The following SLC2A13 variants were observed in gnomAD, a reference collection of about 807,000 sequenced individuals.
The protein encoded by SLC2A13 is proton myo-inositol cotransporter.
In SLC2A13, 32 loss-of-function variants were observed where a neutral mutation model predicts 64.4. The ratio of observed to expected loss-of-function variants is 0.50; its 90% confidence interval spans 0.37 to 0.67. The LOEUF is 0.67. Ranked by LOEUF, SLC2A13 falls within the 30% of genes least tolerant of loss-of-function variation. The pLI is 0.00. For missense variants in SLC2A13, 743 were observed against 829.2 expected (o/e 0.90, Z 1.28); for synonymous variants, 338 against 327.1 (o/e 1.03, Z -0.36).
At chr12:40,060,016 T>A (rs2136250669) in intron 1 of SLC2A13, among the ~76,000 whole-genome samples, 1 of 152,224 alleles carries the variant, frequency 6.6e-6, no homozygotes, top group Non-Finnish European at 1.5e-5. Flanking sequence ...TTAAAAAGAC[T>A]GTAACAAAGG....
chr12:39,865,079 G>T (rs926595637), intron 5 of SLC2A13, among the ~76,000 whole-genome samples, 197 bp from the exon 6 acceptor site: 1 of 152,142 alleles, frequency 6.6e-6, no homozygotes, highest in Non-Finnish European at 1.5e-5. Context: ...TCACTAGCAC[G>T]TTCATTGTGA....
intron 1 of SLC2A13, among the ~76,000 whole-genome samples, chr12:40,098,047 GTGTATATA>G (rs1315855502): frequency 8.0e-5 from 12 of 150,716 alleles, no homozygotes; most frequent in Admixed American, 4.0e-4. Context: ...ATGTATATAT[GTGTATATA>G]TGTATATATG....
intron 4 of SLC2A13, among the ~76,000 whole-genome samples, chr12:39,906,990 T>C (rs1287822916): frequency 6.6e-6 from 1 of 152,178 alleles, no homozygotes; most frequent in Non-Finnish European, 1.5e-5. Flanking sequence ...GTCTCTTAGA[T>C]TTTTTCCAGT....
intron 4 of SLC2A13, among the ~76,000 whole-genome samples, chr12:39,934,886 T>C (rs1488182555): frequency 6.6e-6 from 1 of 152,140 alleles, no homozygotes; most frequent in Admixed American, 6.5e-5. Flanking sequence ...CTTCCTGCCA[T>C]GAATGGCAGG....
At chr12:39,939,905 C>G (rs1348986481) in intron 4 of SLC2A13, among the ~76,000 whole-genome samples, 1 of 152,148 alleles carries the variant, frequency 6.6e-6, no homozygotes, top group African/African-American at 2.4e-5. Context: ...CATTAAAAGT[C>G]CATCTACTTC....
chr12:40,052,702 T>A (rs1299324730), intron 1 of SLC2A13, among the ~76,000 whole-genome samples: 1 of 152,120 alleles, frequency 6.6e-6, no homozygotes, highest in Non-Finnish European at 1.5e-5. Context: ...AAATGCAACA[T>A]CAAACTGACA....
At chr12:40,098,744 G>A (rs1375073304) in intron 1 of SLC2A13, among the ~76,000 whole-genome samples, 3 of 152,174 alleles carry the variant, frequency 2.0e-5, no homozygotes, top group Non-Finnish European at 2.9e-5. Context: ...TAAAATAAAG[G>A]TAACCGTATT....
intron 7 of SLC2A13, among the ~76,000 whole-genome samples, chr12:39,797,123 C>T (rs1174925680): frequency 6.6e-6 from 1 of 152,112 alleles, no homozygotes; most frequent in African/African-American, 2.4e-5. Flanking sequence ...TTAATGAAAA[C>T]TATTCATTTT....
At position 40,028,331 on chromosome 12, in the gene SLC2A13, T is replaced by C. The variant is rs778592175; in HGVS notation, c.895A>G (p.Ile299Val). ...DEEYDSIKNN[I>V]EEEEKEVGSA... ...CCAACCTCTTTTTCCTCCTCTTCAA[T>C]GTTGTTTTTGATGCTATCATATTCC... Residue 299 changes from isoleucine to valine, a missense_variant, in exon 3 of 10, where the codon ATT (isoleucine) becomes GTT (valine). Physicochemically the swap from Ile to Val is conservative, Grantham distance 29. This residue lies in a region of SLC2A13 where 448 missense variants were observed against 447.4 expected (regional missense o/e 1.00). Transcript: ENST00000280871. 1.9e-6 allele frequency: 3 copies of C among 1,614,012 alleles called. No individual in the cohort carries two copies. The highest frequency in any genetic ancestry group is 2.5e-6 in the Non-Finnish European group (3 of 1,179,970).
At chr12:39,772,273 T>G (rs1940609874) in intron 7 of SLC2A13, among the ~76,000 whole-genome samples, 1 of 152,190 alleles carries the variant, frequency 6.6e-6, no homozygotes, top group South Asian at 2.1e-4. Flanking sequence ...GCCAAGTTAC[T>G]TAACCTCTCT....
chr12:39,941,637 G>A (rs1319582161), intron 4 of SLC2A13, among the ~76,000 whole-genome samples: 1 of 152,080 alleles, frequency 6.6e-6, no homozygotes, highest in Non-Finnish European at 1.5e-5. Flanking sequence ...TTACTGATTT[G>A]TTTGAGTTCA....
intron 1 of SLC2A13, among the ~76,000 whole-genome samples, chr12:40,078,282 G>A (rs1938258586): frequency 6.6e-6 from 1 of 152,134 alleles, no homozygotes; most frequent in South Asian, 2.1e-4. Flanking sequence ...TGTTGGCTGT[G>A]GGTCTGTCAT....
intron 1 of SLC2A13, among the ~76,000 whole-genome samples, chr12:40,089,570 G>T (rs1345199724): frequency 6.6e-6 from 1 of 152,122 alleles, no homozygotes; most frequent in African/African-American, 2.4e-5. Context: ...ATACAAGGAA[G>T]ACTTCTTCAT....
At chr12:39,842,671 T>C (rs1392550087) in intron 6 of SLC2A13, among the ~76,000 whole-genome samples, 1 of 152,068 alleles carries the variant, frequency 6.6e-6, no homozygotes, top group Non-Finnish European at 1.5e-5. Context: ...ATGTTAAAGC[T>C]TGCAGTTTAG....
At chr12:40,047,484 ATTTTG>A (rs1390666587) in intron 2 of SLC2A13, among the ~76,000 whole-genome samples, 2 of 152,178 alleles carry the variant, frequency 1.3e-5, no homozygotes, top group African/African-American at 4.8e-5. Flanking sequence ...TTAACATAAG[ATTTTG>A]TTTTAATAAT....
intron 6 of SLC2A13, among the ~76,000 whole-genome samples, chr12:39,836,637 A>G (rs1943014309): frequency 6.9e-6 from 1 of 145,082 alleles, no homozygotes; most frequent in South Asian, 2.4e-4. Context: ...CAACTTCAGC[A>G]AAGTCTCAGG....
rs1944060930 is a variant in SLC2A13 at position 39,871,674 on chromosome 12, A to AT, written c.1198+123dup. The stretch of plus-strand genomic sequence containing the variant: ...TCTTTTTTGGTCTAGAAGAACTCTA[A>AT]TTTTTTTGTTGTTTGGCTGAGAAAC... On this transcript the variant is annotated intron_variant, in intron 5 of 9. Coordinates refer to ENST00000280871, the MANE Select transcript of SLC2A13 (RefSeq NM_052885.4). The AT allele has an allele frequency of 1.3e-5, 13 of 1,002,958 alleles. No individual in the cohort carries two copies. In the East Asian group the frequency reaches 3.3e-4, roughly 26 times the overall value. 62.1% of individuals were successfully genotyped at this position (1,002,958 alleles called of 1,614,324 possible).
At chr12:39,877,223 G>A (rs1389950582) in intron 4 of SLC2A13, among the ~76,000 whole-genome samples, 1 of 152,138 alleles carries the variant, frequency 6.6e-6, no homozygotes, top group East Asian at 1.9e-4. Flanking sequence ...GAGGTTGAAT[G>A]GACTCAGAGT....
chr12:40,088,565 G>A (rs1227151082), intron 1 of SLC2A13, among the ~76,000 whole-genome samples: 1 of 152,220 alleles, frequency 6.6e-6, no homozygotes, highest in Non-Finnish European at 1.5e-5. Flanking sequence ...TAGTCTAGCT[G>A]TAGAAAAGCT....
Sources: gnomAD v4.1 joint callset for allele counts (sites outside exome capture counted in the v4.1 genomes callset) on GRCh38, gnomAD v4.1.1 for gene constraint, gnomAD v4.1.1 regional missense constraint, MANE v1.5 for transcripts, NCBI Gene and HGNC (gene_info 2026-07-23, HGNC 2026-07-21) for gene names.